Variants in EVI5 observed in about 807,000 individuals in gnomAD.
EVI5 encodes ecotropic viral integration site 5 protein homolog.
Under a neutral mutation model 112.0 loss-of-function variants are expected in EVI5, and 73 were observed. The ratio of observed to expected loss-of-function variants is 0.65; its 90% CI spans 0.54 to 0.79. The LOEUF (loss-of-function observed/expected upper bound fraction) is 0.79. Among genes scored for constraint, EVI5 ranks in the 30% least tolerant of loss-of-function variants. The pLI is 0.00. For synonymous variants in EVI5, 305 were observed against 319.9 expected, an observed-to-expected ratio of 0.95 and a Z score of 0.50; for missense variants, 900 against 968.8, an observed-to-expected ratio of 0.93 and a Z score of 0.94.
chr1:92,534,163 A>G lies in EVI5; in HGVS notation c.2167-20193T>C, dbSNP rs1036230394. Among the ~76,000 whole-genome samples, 7 of 152,222 alleles carry G rather than the reference A, an allele frequency of 4.6e-5. No homozygotes were observed. The East Asian group carries it at 1.2e-3, about 25-fold the overall frequency. ...CAGACAAACAGAGAGCCAAATCATG[A>G]GTGAACTCCCATTCATAACTACTAG... On this transcript the variant is annotated intron_variant, in intron 19 of 19. Transcript: ENST00000684568.
At chr1:92,736,698 G>A (rs1054602264) in intron 1 of EVI5, 71 bp from the exon 2 acceptor site, 36 of 1,015,716 alleles carry the variant, frequency 3.5e-5, no homozygotes, top group Admixed American at 8.8e-5. Context: ...TAATAATTCT[G>A]TTAGGATTTA....
At position 92,669,562 on chromosome 1, in the gene EVI5, T is replaced by A. The variant is rs1409519764; in HGVS notation, c.1159-3570A>T. ...GGCTCTGTCTCAAAAAAAAAAAAAA[T>A]CACTGGGAAATTCATATCTTTATAT... On this transcript the variant is annotated intron_variant, in intron 10 of 19. Transcript: ENST00000684568. Among the ~76,000 whole-genome samples the A allele has an allele frequency of 6.5e-3, 213 of 32,542 alleles. 4 individuals carry two copies. The highest frequency in any genetic ancestry group is 0.02 in the East Asian group (9 of 456). The allele number at this position is 32,542 out of a possible 152,430, so 21.3% of individuals were successfully genotyped here.
chr1:92,721,221 T>C (rs1674697294), intron 2 of EVI5, among the ~76,000 whole-genome samples: 1 of 152,176 alleles, frequency 6.6e-6, no homozygotes, highest in African/African-American at 2.4e-5. Context: ...TAAAGATACA[T>C]GCACACGTAT....
intron 16 of EVI5, among the ~76,000 whole-genome samples, chr1:92,623,534 T>C (rs1655017120): frequency 6.6e-6 from 1 of 152,206 alleles, no homozygotes; most frequent in Non-Finnish European, 1.5e-5. Flanking sequence ...AGATCTTAAG[T>C]ATATTTAAGA....
intron 11 of EVI5, 43 bp downstream of exon 11, chr1:92,665,896 C>G: frequency 1.5e-6 from 2 of 1,350,648 alleles, no homozygotes; most frequent in Non-Finnish European, 2.1e-6. Context: ...AGAAAAAACA[C>G]CAGGCATTCA....
At position 92,607,604 on chromosome 1, in the gene EVI5, T is replaced by C. The variant is rs200773636; in HGVS notation, c.1951A>G (p.Lys651Glu). 5 of 1,592,410 alleles carry C rather than the reference T, an allele frequency of 3.1e-6. No homozygotes were observed. The highest frequency in any genetic ancestry group is 4.3e-6 in the Non-Finnish European group (5 of 1,173,352). Residue 651 changes from lysine (K) to glutamate (E), a missense_variant, in exon 17 of 20, where the codon AAA becomes GAA. Physicochemically the swap from Lys to Glu is moderately conservative, Grantham distance 56. Transcript: ENST00000684568. ...LLTQLSEAKR[K>E]QAEIECKNKE... is the part of the protein sequence containing the mutation. ...ACCTTGCATTCAATCTCTGCTTGTT[T>C]ACGCTTTGCTTCACTTAATTGAGTA...
chr1:92,761,571 C>A (rs1681879766), intron 1 of EVI5, among the ~76,000 whole-genome samples: 1 of 152,050 alleles, frequency 6.6e-6, no homozygotes. Flanking sequence ...AACTCTGAGC[C>A]CATAAAAAAC....
At chr1:92,701,379 T>C (rs1671128286) in intron 5 of EVI5, among the ~76,000 whole-genome samples, 1 of 152,220 alleles carries the variant, frequency 6.6e-6, no homozygotes. Flanking sequence ...AGTATTATCT[T>C]ACTAAGGCTC....
chr1:92,632,747 T>C (rs561527791), intron 14 of EVI5, among the ~76,000 whole-genome samples: 6 of 152,306 alleles, frequency 3.9e-5, no homozygotes, highest in East Asian at 3.9e-4. Context: ...GCTTCTCTAG[T>C]TCTTTTAATT....
intron 13 of EVI5, among the ~76,000 whole-genome samples, chr1:92,640,314 A>C (rs1358910466): frequency 6.6e-6 from 1 of 152,238 alleles, no homozygotes; most frequent in African/African-American, 2.4e-5. Context: ...CATCAGAGTG[A>C]ACAGTCAACC....
intron 19 of EVI5, among the ~76,000 whole-genome samples, chr1:92,516,439 T>C (rs373568109): frequency 6.6e-6 from 1 of 152,310 alleles, no homozygotes; most frequent in South Asian, 2.1e-4. Context: ...GAGCTGTTAA[T>C]ATGGAATAGC....
rs143363856 is a variant in EVI5, at chr1:92,766,387, C to A, written c.-82+18449G>T. ...TTAAAATACCTGTTTCCTTATGTTT[C>A]ATGCTAGTCCTTAAAAATACAAATT... On this transcript the variant is annotated intron_variant, in intron 1 of 19. Coordinates refer to ENST00000684568, the MANE Select transcript of EVI5 (RefSeq NM_001350197.2). Among the ~76,000 whole-genome samples the A allele has an allele frequency of 2.0e-4, 30 of 151,988 alleles. No individual in the cohort carries two copies. In the East Asian group the frequency reaches 5.2e-3, roughly 26 times the overall value.
intron 9 of EVI5, among the ~76,000 whole-genome samples, chr1:92,683,943 G>A (rs1228616535): frequency 3.9e-5 from 6 of 152,202 alleles, no homozygotes; most frequent in Admixed American, 3.9e-4. Flanking sequence ...ACCAGAAAGT[G>A]ATGGGGACAA....
intron 2 of EVI5, chr1:92,714,202 G>A: frequency 1.1e-6 from 1 of 876,360 alleles, no homozygotes; most frequent in Non-Finnish European, 1.4e-6. Context: ...TTTTTAAAAA[G>A]TAATAGCCGC....
At chr1:92,681,461 G>A (rs980424977) in intron 9 of EVI5, among the ~76,000 whole-genome samples, 1 of 152,040 alleles carries the variant, frequency 6.6e-6, no homozygotes, top group Admixed American at 6.5e-5. Flanking sequence ...GTATACCAAC[G>A]TAAAAATTCA....
At chr1:92,585,704 TAGAG>T (rs561832511) in intron 18 of EVI5, among the ~76,000 whole-genome samples, 18 of 152,296 alleles carry the variant, frequency 1.2e-4, no homozygotes, top group African/African-American at 2.9e-4. Context: ...ATTGAGAAGA[TAGAG>T]AGTTCCCACA....
At chr1:92,579,061 G>A (rs1363170296) in intron 18 of EVI5, among the ~76,000 whole-genome samples, 1 of 152,118 alleles carries the variant, frequency 6.6e-6, no homozygotes, top group African/African-American at 2.4e-5. Flanking sequence ...AGCAGGACAT[G>A]TGCTAGAATT....
At chr1:92,782,947 G>A (rs1421102690) in intron 1 of EVI5, among the ~76,000 whole-genome samples, 1 of 152,008 alleles carries the variant, frequency 6.6e-6, no homozygotes, top group Non-Finnish European at 1.5e-5. Context: ...AGCCTCCTGG[G>A]TAGCTCGGAC....
rs1454922865 is a variant in EVI5, at chr1:92,695,318, T to C, written c.901A>G (p.Met301Val). 8 of 1,610,328 alleles carry C rather than the reference T, an allele frequency of 5.0e-6. No homozygotes were observed. The highest frequency in any genetic ancestry group is 2.2e-5 in the South Asian group (2 of 90,376). Reference protein sequence around the residue: ...PIATRIFDIFMSEGLEIVFRV... With the variant: ...PIATRIFDIFVSEGLEIVFRV... ...TCTGCCCATTAGCTTACCTCAGACA[T>C]AAAGATATCAAATATCCTTGTTGCA... The change falls in exon 7 of 20, where the codon ATG (methionine) becomes GTG (valine). Residue 301 changes from methionine to valine, a missense_variant. Physicochemically the swap from Met to Val is conservative, Grantham distance 21 (BLOSUM62 1). Transcript: ENST00000684568.
Sources: allele counts gnomAD v4.1 joint callset (sites outside exome capture counted in the v4.1 genomes callset), GRCh38; gene constraint gnomAD v4.1.1; transcripts MANE v1.5; gene names NCBI Gene and HGNC (gene_info 2026-07-23, HGNC 2026-07-21).